DNAI2: variants seen among roughly 807,000 people sequenced by gnomAD.
DNAI2 encodes the protein dynein, axonemal, intermediate polypeptide 2.
DNAI2 carries 63 observed loss-of-function variants against 74.7 expected under a neutral mutation model. The ratio of observed to expected loss-of-function variants is 0.84; its 90% CI spans 0.69 to 1.04. The LOEUF (loss-of-function observed/expected upper bound fraction) is 1.04. Ranked by LOEUF, DNAI2 falls within the 50% of genes least tolerant of loss-of-function variation. The pLI is 0.00. For missense variants in DNAI2, 688 were observed against 803.2 expected (o/e 0.86, Z 1.73); for synonymous variants, 289 against 314.9 (o/e 0.92, Z 0.87).
chr17:74,299,110 A>G (rs117101427), intron 6 of DNAI2, among the ~76,000 whole-genome samples: 1 of 152,282 alleles, frequency 6.6e-6, no homozygotes, highest in East Asian at 1.9e-4. Context: ...GGAAAATGGA[A>G]ACGAAATCTA....
intron 8 of DNAI2, among the ~76,000 whole-genome samples, chr17:74,301,696 G>A (rs552742121): frequency 4.6e-5 from 7 of 151,728 alleles, no homozygotes; most frequent in African/African-American, 1.4e-4. Context: ...AGTTCAGGTC[G>A]GGCAGGGTGG....
intron 6 of DNAI2, among the ~76,000 whole-genome samples, chr17:74,294,079 A>G (rs1355049446): frequency 2.0e-5 from 3 of 151,936 alleles, no homozygotes; most frequent in African/African-American, 7.2e-5. Flanking sequence ...CACCACGCCC[A>G]GCTTGGATCG....
intron 1 of DNAI2, 103 bp from the exon 2 acceptor site, chr17:74,281,704 G>T (rs763070004): frequency 4.2e-6 from 5 of 1,191,778 alleles, no homozygotes; most frequent in Non-Finnish European, 6.1e-6. Flanking sequence ...CTTGCTTCCT[G>T]CCCCAACCAG....
chr17:74,301,315 T>C, intron 8 of DNAI2, 147 bp downstream of exon 8: 3 of 1,218,698 alleles, frequency 2.5e-6, no homozygotes, highest in Non-Finnish European at 3.6e-6. Context: ...TAGACGTGTG[T>C]GGCCTTTACA....
chr17:74,304,601 G>A (rs140525194), intron 8 of DNAI2, among the ~76,000 whole-genome samples: 80 of 152,320 alleles, frequency 5.3e-4, no homozygotes, highest in African/African-American at 1.7e-3. Context: ...GCAGTGAAGT[G>A]AATAACTACT....
In DNAI2 at chr17:74,312,167, C is replaced by T. The variant is rs372259857; in HGVS notation, c.1659C>T (p.Phe553=). ...ALVSKAEEEF[F]DIIFAELKKK... ...TCAGCAAGGCCGAGGAGGAGTTCTTCGACATCATCTTCGCAGAGCTGAAGA... is the reference window on the plus strand; with the variant it reads ...TCAGCAAGGCCGAGGAGGAGTTCTTTGACATCATCTTCGCAGAGCTGAAGA... Residue 553 remains phenylalanine, a synonymous_variant, in exon 12 of 14, where the codon TTC becomes TTT. Coordinates refer to ENST00000311014, the MANE Select transcript of DNAI2 (RefSeq NM_023036.6). 2.7e-5 allele frequency: 43 copies of T among 1,612,710 alleles called. 1 individual carries two copies. The highest frequency in any genetic ancestry group is 2.3e-4 in the South Asian group (21 of 91,010).
chr17:74,292,964 G>A (rs535490932), intron 6 of DNAI2, among the ~76,000 whole-genome samples: 3 of 152,088 alleles, frequency 2.0e-5, no homozygotes, highest in South Asian at 4.2e-4. Flanking sequence ...CGAGTAGCTG[G>A]GACTACAGGT....
At chr17:74,296,343 AGAGGAGAGAGAGAGGAAGGG>A (rs1179350903) in intron 6 of DNAI2, among the ~76,000 whole-genome samples, 2 of 118,632 alleles carry the variant, frequency 1.7e-5, no homozygotes, top group Non-Finnish European at 4.0e-5. Context: ...GGAGAGAGAG[AGAGGAGAGAGAGAGGAAGGG>A]GGAAGGAGGG....
chr17:74,285,745 T>C (rs1341639223), intron 3 of DNAI2, among the ~76,000 whole-genome samples: 2 of 151,732 alleles, frequency 1.3e-5, no homozygotes, highest in East Asian at 3.9e-4. Context: ...AAGAAAGAAA[T>C]GCTGAAAGAG....
At chr17:74,293,916 T>A (rs7224054) in intron 6 of DNAI2, among the ~76,000 whole-genome samples, 150,559 of 150,608 alleles carry the variant, frequency 1, 75,255 homozygotes, top group Non-Finnish European at 1. Flanking sequence ...CCCGAGTAGC[T>A]GGGATTACAG....
intron 9 of DNAI2, among the ~76,000 whole-genome samples, chr17:74,308,415 C>T (rs1435325951): frequency 6.6e-6 from 1 of 152,174 alleles, no homozygotes; most frequent in Non-Finnish European, 1.5e-5. Context: ...GACTCCCATC[C>T]GTGAGTCCCA....
At chr17:74,283,585 G>C (rs897051366) in intron 2 of DNAI2, among the ~76,000 whole-genome samples, 1 of 152,040 alleles carries the variant, frequency 6.6e-6, no homozygotes, top group Non-Finnish European at 1.5e-5. Context: ...TCCAGCTTGG[G>C]CAACAGAATG....
chr17:74,298,746 C>A (rs373222442), intron 6 of DNAI2, among the ~76,000 whole-genome samples: 1 of 151,960 alleles, frequency 6.6e-6, no homozygotes, highest in Non-Finnish European at 1.5e-5. Flanking sequence ...GGCAGCCTCC[C>A]GAGTAACAGC....
chr17:74,284,414 T>C (rs2051577507), intron 2 of DNAI2, among the ~76,000 whole-genome samples: 1 of 152,098 alleles, frequency 6.6e-6, no homozygotes, highest in Non-Finnish European at 1.5e-5. Flanking sequence ...TTTTCTTTTT[T>C]CTTTTTCTTT....
In DNAI2 at chr17:74,286,440, A is replaced by G. The variant is rs1015952527; in HGVS notation, c.346-537A>G. 4.2e-4 allele frequency among the ~76,000 whole-genome samples: 64 copies of G among 151,592 alleles called. 1 individual carries two copies. Among genetic ancestry groups the G allele is most frequent in the Non-Finnish European group, 7.4e-5 (5 of 67,968 alleles). On this transcript the variant is annotated intron_variant, in intron 3 of 13. Coordinates refer to ENST00000311014, the MANE Select transcript of DNAI2 (RefSeq NM_023036.6). ...CTCCATAAAATGTTTGTTGTTGTTG[A>G]GACAGAGTCTCATTCTGTCACCCAG... is the stretch of plus-strand genomic sequence containing the variant.
intron 9 of DNAI2, among the ~76,000 whole-genome samples, chr17:74,307,942 C>T (rs774589483): frequency 1.1e-4 from 17 of 151,918 alleles, no homozygotes; most frequent in Non-Finnish European, 2.2e-4. Flanking sequence ...GGATTACAGG[C>T]GCCCACCAAC....
At chr17:74,307,952 C>T (rs2053283380) in intron 9 of DNAI2, among the ~76,000 whole-genome samples, 1 of 152,072 alleles carries the variant, frequency 6.6e-6, no homozygotes. Context: ...CGCCCACCAA[C>T]ACCCCTGGAT....
chr17:74,288,591 T>C (rs1003389440), intron 4 of DNAI2, among the ~76,000 whole-genome samples: 3 of 152,162 alleles, frequency 2.0e-5, no homozygotes, highest in African/African-American at 7.2e-5. Context: ...TGGGACCTCG[T>C]TGCAGCAGCC....
chr17:74,293,618 C>T (rs542586318), intron 6 of DNAI2, among the ~76,000 whole-genome samples: 16 of 151,816 alleles, frequency 1.1e-4, no homozygotes, highest in East Asian at 3.9e-4. Flanking sequence ...GCACGAGAAT[C>T]GCTTGAACCT....
Sources: allele counts gnomAD v4.1 joint callset (sites outside exome capture counted in the v4.1 genomes callset), GRCh38; gene constraint gnomAD v4.1.1; transcripts MANE v1.5; gene names NCBI Gene and HGNC (gene_info 2026-07-23, HGNC 2026-07-21).